Variants in KPNA5 observed in about 807,000 individuals in gnomAD.
KPNA5 encodes importin subunit alpha-6.
KPNA5 carries 46 observed loss-of-function variants against 71.3 expected under a neutral mutation model. That is an observed-to-expected ratio of 0.65 (90% CI 0.51 to 0.83). The LOEUF (loss-of-function observed/expected upper bound fraction) is 0.83. KPNA5 is among the 40% of genes least tolerant of loss of function. The pLI is 0.00. For missense variants in KPNA5, 547 were observed against 628.3 expected (o/e 0.87, Z 1.38); for synonymous variants, 207 against 201.4 (o/e 1.03, Z -0.24).
chr6:116,741,282 A>G lies in KPNA5; in HGVS notation c.*8959A>G, dbSNP rs71570819. ...ATGATTGGTGGATTTTGAATTTTCCATATAGTTCTGACGATTTTTTTGTGT... is the reference window on the plus strand; with the variant it reads ...ATGATTGGTGGATTTTGAATTTTCCGTATAGTTCTGACGATTTTTTTGTGT... On this transcript the variant is annotated 3_prime_UTR_variant, in exon 14 of 14. Coordinates refer to ENST00000368564, the MANE Select transcript of KPNA5 (RefSeq NM_001366306.2). 1 of 152,146 alleles carries G rather than the reference A, an allele frequency of 6.6e-6. No homozygotes were observed. Among genetic ancestry groups the G allele is most frequent in the Non-Finnish European group, 1.5e-5 (1 of 68,024 alleles). 9.4% of individuals were successfully genotyped at this position (152,146 alleles called of 1,614,324 possible).
rs556244431 is a variant in KPNA5 at position 116,685,914 on chromosome 6, T to C, written c.5-3406T>C. ...TTTACATTTGTTTTTTGACTTTTTT[T>C]CTTTTCCTTTTTGAGACATGGTCTC... On this transcript the variant is annotated intron_variant, in intron 1 of 13. Coordinates refer to ENST00000368564, the MANE Select transcript of KPNA5 (RefSeq NM_001366306.2). Among the ~76,000 whole-genome samples the C allele has an allele frequency of 5.9e-5, 9 of 152,278 alleles. No individual in the cohort carries two copies. The East Asian group carries it at 1.7e-3, about 29-fold the overall frequency.
At chr6:116,719,075 C>T (rs1336388863) in intron 8 of KPNA5, among the ~76,000 whole-genome samples, 2 of 152,210 alleles carry the variant, frequency 1.3e-5, no homozygotes, top group African/African-American at 2.4e-5. Context: ...TGAGCCACCA[C>T]ACCAAGCCGG....
At chr6:116,694,852 G>A (rs534664341) in intron 4 of KPNA5, among the ~76,000 whole-genome samples, 1 of 152,222 alleles carries the variant, frequency 6.6e-6, no homozygotes, top group Non-Finnish European at 1.5e-5. Context: ...TCATAAAAGT[G>A]AAGTAGGGGG....
intron 1 of KPNA5, 169 bp downstream of exon 1, chr6:116,681,507 C>T: frequency 3.7e-6 from 5 of 1,362,128 alleles, no homozygotes; most frequent in East Asian, 3.1e-5. Flanking sequence ...ACAGCGGTCG[C>T]GGGGGCGTGG....
Position 116,692,128 on chromosome 6 carries a change from A to T in KPNA5, c.212A>T (p.Asp71Val). Residue 71 changes from aspartate (D) to valine (V), a missense_variant, in exon 3 of 14, where the codon GAT becomes GTT. Physicochemically the swap from Asp to Val is radical, Grantham distance 152. Coordinates refer to ENST00000368564, the MANE Select transcript of KPNA5 (RefSeq NM_001366306.2). Reference sequence around the variant, plus strand: ...CTTGAAAGTCCTATACAGGATCCAGATATTAGTTCCACTGTACCCATTCCA... The same window carrying T: ...CTTGAAAGTCCTATACAGGATCCAGTTATTAGTTCCACTGTACCCATTCCA... ...SMLESPIQDP[D>V]ISSTVPIPEE... 2 of 1,610,924 alleles carry T rather than the reference A, an allele frequency of 1.2e-6. No individual in the cohort carries two copies. The highest frequency in any genetic ancestry group is 1.7e-6 in the Non-Finnish European group (2 of 1,177,450).
rs1779617323 is a variant in KPNA5, at chr6:116,734,904, A to G, written c.*2581A>G. The G allele has an allele frequency of 6.6e-6, 1 of 151,792 alleles. No individual in the cohort carries two copies. Among genetic ancestry groups the G allele is most frequent in the African/African-American group, 2.4e-5 (1 of 41,432 alleles). 9.4% of individuals were successfully genotyped at this position (151,792 alleles called of 1,614,324 possible). On this transcript the variant is annotated 3_prime_UTR_variant, in exon 14 of 14. Transcript: ENST00000368564. ...AAGTGTTATAAAGAGGAATGCATGT[A>G]GCATTAATGCAAATATCAAGAAAAT...
Position 116,716,261 on chromosome 6 carries a change from C to T in KPNA5, c.699C>T (p.Ala233=), listed in dbSNP as rs144733293. The T allele has an allele frequency of 3.3e-5, 54 of 1,613,334 alleles. No individual in the cohort carries two copies. In the African/African-American group the frequency reaches 5.3e-4, roughly 16 times the overall value. ...ACAGACTCACAACAACAAGAAATGC[C>T]GTGTGGGCCCTCTCAAATTTATGTA... ...NSNRLTTTRN[A]VWALSNLCRG... The change falls in exon 8 of 14, where the codon GCC becomes GCT. Residue 233 remains alanine (A), a synonymous_variant. Coordinates refer to ENST00000368564, the MANE Select transcript of KPNA5 (RefSeq NM_001366306.2).
chr6:116,735,220 C>T lies in KPNA5; in HGVS notation c.*2897C>T, dbSNP rs1395432688. 6.6e-6 allele frequency: 1 copy of T among 151,582 alleles called. No individual in the cohort carries two copies. The allele number at this position is 151,582 out of a possible 1,614,324, so 9.4% of individuals were successfully genotyped here. A position where few individuals can be genotyped will look rare whatever the true frequency, so the allele number is the denominator to read the frequency against. ...AACATATCATTTGGTAACTGTAAAA[C>T]CTATTTGCAGTTAAAGGTTGATTTA... On this transcript the variant is annotated 3_prime_UTR_variant, in exon 14 of 14. Coordinates refer to ENST00000368564, the MANE Select transcript of KPNA5 (RefSeq NM_001366306.2).
chr6:116,739,054 A>T lies in KPNA5; in HGVS notation c.*6731A>T, dbSNP rs1459182606. On this transcript the variant is annotated 3_prime_UTR_variant, in exon 14 of 14. Coordinates refer to ENST00000368564, the MANE Select transcript of KPNA5 (RefSeq NM_001366306.2). ...GGGTATTCAATTAGGAAAAGAGGAAATCAAATTGTCCCTGTTTGCAGATGA... is the reference window on the plus strand; with the variant it reads ...GGGTATTCAATTAGGAAAAGAGGAATTCAAATTGTCCCTGTTTGCAGATGA... 7.2e-5 allele frequency: 11 copies of T among 151,866 alleles called. No homozygotes were observed. The highest frequency in any genetic ancestry group is 3.4e-3 in the Middle Eastern group (1 of 294). The allele number at this position is 151,866 out of a possible 1,614,324, so 9.4% of individuals were successfully genotyped here. A position where few individuals can be genotyped will look rare whatever the true frequency, so the allele number is the denominator to read the frequency against.
intron 4 of KPNA5, among the ~76,000 whole-genome samples, chr6:116,693,964 G>T (rs1264877344): frequency 6.6e-6 from 1 of 152,104 alleles, no homozygotes; most frequent in African/African-American, 2.4e-5. Context: ...TGGCTAGCCA[G>T]TTTTCCCAGC....
intron 1 of KPNA5, chr6:116,681,666 C>G (rs765701494): frequency 3.7e-4 from 179 of 486,758 alleles, no homozygotes; most frequent in Non-Finnish European, 4.8e-4. Context: ...AATTGCCAAA[C>G]GTTGCCACTC....
At chr6:116,718,066 G>T (rs1244130617) in intron 8 of KPNA5, among the ~76,000 whole-genome samples, 2 of 152,036 alleles carry the variant, frequency 1.3e-5, no homozygotes, top group African/African-American at 4.8e-5. Context: ...GATGTAATGT[G>T]ATAATTGCCA....
intron 6 of KPNA5, 74 bp downstream of exon 6, chr6:116,702,224 T>C: frequency 8.3e-6 from 12 of 1,450,402 alleles, no homozygotes; most frequent in Middle Eastern, 2.2e-4. Flanking sequence ...GTAATTACGA[T>C]GTGTAATTCA....
chr6:116,699,501 A>G lies in KPNA5; in HGVS notation c.435+703A>G, dbSNP rs562296595. On this transcript the variant is annotated intron_variant, in intron 5 of 13. Coordinates refer to ENST00000368564, the MANE Select transcript of KPNA5 (RefSeq NM_001366306.2). ...CTATTGTCAATAATGGAGGACTGTTACTTGTTACGTGTTGAATTTATAACT... is the reference window on the plus strand; with the variant it reads ...CTATTGTCAATAATGGAGGACTGTTGCTTGTTACGTGTTGAATTTATAACT... Among the ~76,000 whole-genome samples the G allele has an allele frequency of 9.2e-5, 14 of 152,302 alleles. No individual in the cohort carries two copies. The South Asian group carries it at 2.9e-3, about 32-fold the overall frequency.
chr6:116,732,097 T>TATAC (rs1779513806), intron 13 of KPNA5, 39 bp from the exon 14 acceptor site: 2 of 189,126 alleles, frequency 1.1e-5, no homozygotes, highest in Non-Finnish European at 1.9e-5. Flanking sequence ...TATATATATA[T>TATAC]ATATATATAT....
At chr6:116,726,943 A>G (rs534643084) in intron 12 of KPNA5, among the ~76,000 whole-genome samples, 2 of 152,104 alleles carry the variant, frequency 1.3e-5, no homozygotes, top group Non-Finnish European at 2.9e-5. Context: ...TAGCTTTATT[A>G]TATAGAAATG....
chr6:116,704,628 G>T (rs1040668625), intron 6 of KPNA5, among the ~76,000 whole-genome samples: 1 of 151,540 alleles, frequency 6.6e-6, no homozygotes. Context: ...TCGCTCTGTT[G>T]CCCAAGGTGG....
chr6:116,681,578 C>A (rs1051943840), intron 1 of KPNA5: 3 of 1,237,036 alleles, frequency 2.4e-6, no homozygotes, highest in East Asian at 7.0e-5. Context: ...TTCAGCAGGT[C>A]CTCTGGAGTG....
intron 7 of KPNA5, among the ~76,000 whole-genome samples, chr6:116,713,915 C>CT (rs1456703035): frequency 2.0e-5 from 3 of 152,048 alleles, no homozygotes; most frequent in Non-Finnish European, 4.4e-5. Context: ...TGATGATTCT[C>CT]TATTTGTTGA....
Sources: allele counts gnomAD v4.1 joint callset (sites outside exome capture counted in the v4.1 genomes callset), GRCh38; gene constraint gnomAD v4.1.1; transcripts MANE v1.5; gene names NCBI Gene and HGNC (gene_info 2026-07-23, HGNC 2026-07-21).